The following UTRN variants were observed in gnomAD, a reference collection of about 807,000 sequenced individuals.
UTRN encodes the protein dystrophin-related protein 1.
A neutral mutation model predicts 463.9 loss-of-function variants in UTRN; 283 were observed. The ratio of observed to expected loss-of-function variants is 0.61; its 90% CI spans 0.55 to 0.67. The LOEUF (loss-of-function observed/expected upper bound fraction) is 0.67, where lower values mean the gene tolerates loss of function less well. Among genes scored for constraint, UTRN ranks in the 30% least tolerant of loss-of-function variants. The probability of loss-of-function intolerance (pLI) is 0.00; values close to 1 mark genes in which losing one functional copy is unlikely to be tolerated. For synonymous variants in UTRN, 1,442 were observed against 1,431.5 expected (o/e 1.01, Z -0.17); for missense variants, 3,922 against 4,084.3 (o/e 0.96, Z 1.08).
chr6:144,537,400 T>C (rs1476103373), intron 43 of UTRN, among the ~76,000 whole-genome samples, 182 bp from the exon 44 acceptor site: 2 of 151,942 alleles, frequency 1.3e-5, no homozygotes, highest in Non-Finnish European at 2.9e-5. Flanking sequence ...TCTTGGTCTA[T>C]TATTAAGCAA....
In UTRN at chr6:144,474,609, T is replaced by C; in HGVS notation, c.3186T>C (p.Phe1062=). The change falls in exon 25 of 75, where the codon TTT becomes TTC. Residue 1062 remains phenylalanine, a synonymous_variant. Transcript: ENST00000367545. The part of the protein sequence containing the change: ...LQRQLDQCSA[F]VNEIETIESS... ...TGCATCTTTTATGTGTTTAGGCATT[T>C]GTTAATGAAATAGAAACAATTGAAT... is the stretch of plus-strand genomic sequence containing the variant. The C allele has an allele frequency of 6.2e-7, 1 of 1,612,292 alleles. No homozygotes were observed. Among genetic ancestry groups the C allele is most frequent in the Non-Finnish European group, 8.5e-7 (1 of 1,179,372 alleles).
chr6:144,508,460 C>T (rs1794882610), intron 34 of UTRN, among the ~76,000 whole-genome samples: 1 of 152,102 alleles, frequency 6.6e-6, no homozygotes, highest in Admixed American at 6.5e-5. Context: ...TAGCACCGTA[C>T]CTCACGGCAC....
intron 52 of UTRN, among the ~76,000 whole-genome samples, chr6:144,689,494 T>A (rs896238420): frequency 6.6e-6 from 1 of 152,214 alleles, no homozygotes; most frequent in African/African-American, 2.4e-5. Flanking sequence ...GCTCCCTTGA[T>A]GTGGAGCACT....
At chr6:144,745,080 A>T (rs1790563004) in intron 54 of UTRN, among the ~76,000 whole-genome samples, 1 of 151,964 alleles carries the variant, frequency 6.6e-6, no homozygotes. Flanking sequence ...TTAAAAACTC[A>T]CTCAGTCCCT....
In UTRN at chr6:144,522,161, ACT is replaced by A; in HGVS notation, c.5728_5729del (p.Leu1910GlufsTer19). On this transcript the variant is annotated frameshift_variant, in exon 40 of 75. Coordinates refer to ENST00000367545, the MANE Select transcript of UTRN (RefSeq NM_007124.3). LOFTEE classifies it high-confidence loss of function. The stretch of plus-strand genomic sequence containing the variant: ...TACGAAGACTTCTCTTTTCAGGAAG[ACT>A]CTCTGAAGGTAGACCTCTGGGCACT... The A allele has an allele frequency of 6.5e-7, 1 of 1,540,322 alleles. No individual in the cohort carries two copies. The highest frequency in any genetic ancestry group is 8.7e-7 in the Non-Finnish European group (1 of 1,144,446).
At chr6:144,320,235 T>G (rs963057015) in intron 2 of UTRN, among the ~76,000 whole-genome samples, 5 of 152,238 alleles carry the variant, frequency 3.3e-5, no homozygotes, top group Non-Finnish European at 7.3e-5. Flanking sequence ...TCGTTATAAT[T>G]GTGAAGATTA....
intron 51 of UTRN, among the ~76,000 whole-genome samples, chr6:144,654,194 G>A (rs1324904739): frequency 6.6e-6 from 1 of 152,220 alleles, no homozygotes; most frequent in Non-Finnish European, 1.5e-5. Context: ...TAGGTTTAGA[G>A]TGTGATTTTG....
chr6:144,683,313 A>G (rs552722918), intron 52 of UTRN, among the ~76,000 whole-genome samples: 2 of 152,278 alleles, frequency 1.3e-5, no homozygotes, highest in East Asian at 3.9e-4. Flanking sequence ...AGCATGCCCA[A>G]TTATTCTCCC....
chr6:144,628,392 G>C (rs1194790072), intron 51 of UTRN, among the ~76,000 whole-genome samples: 1 of 152,138 alleles, frequency 6.6e-6, no homozygotes, highest in Non-Finnish European at 1.5e-5. Context: ...CCTGAGAGGA[G>C]GGTGTTAGCC....
rs189630667 is a variant in UTRN, at chr6:144,793,739, T to C, written c.8921-95T>C. 2.1e-3 allele frequency: 3,079 copies of C among 1,457,738 alleles called. 4 individuals are homozygous for C. Among genetic ancestry groups the C allele is most frequent in the Middle Eastern group, 4.6e-3 (25 of 5,414 alleles). The allele number at this position is 1,457,738 out of a possible 1,614,324, so 90.3% of individuals were successfully genotyped here. On this transcript the variant is annotated intron_variant, in intron 62 of 74. Transcript: ENST00000367545. ...GATTCATGTCCTTCTGAAATTTTTT[T>C]AATCTGCATGGTTCAGTCCACATTA... is the stretch of plus-strand genomic sequence containing the variant.
At chr6:144,555,997 A>T (rs1390983332) in intron 49 of UTRN, among the ~76,000 whole-genome samples, 1 of 152,244 alleles carries the variant, frequency 6.6e-6, no homozygotes, top group East Asian at 1.9e-4. Flanking sequence ...AATAGCAGAC[A>T]TCTTTTTTGT....
At chr6:144,699,990 C>G (rs1784419508) in intron 52 of UTRN, 97 bp from the exon 53 acceptor site, 1 of 1,222,710 alleles carries the variant, frequency 8.2e-7, no homozygotes, top group Non-Finnish European at 1.1e-6. Context: ...ATTACTTGGT[C>G]AGATAAGATT....
chr6:144,594,066 A>G (rs1364939045), intron 51 of UTRN, among the ~76,000 whole-genome samples: 2 of 152,226 alleles, frequency 1.3e-5, no homozygotes, highest in African/African-American at 2.4e-5. Flanking sequence ...GTTATGACTT[A>G]GTTGATGAGG....
chr6:144,497,603 C>G (rs1409294313), intron 33 of UTRN, among the ~76,000 whole-genome samples: 3 of 151,118 alleles, frequency 2.0e-5, no homozygotes, highest in African/African-American at 7.3e-5. Context: ...ATCACTTGAA[C>G]CTGGGAGGCT....
chr6:144,327,187 T>C (rs1273195388), intron 2 of UTRN, among the ~76,000 whole-genome samples: 1 of 149,940 alleles, frequency 6.7e-6, no homozygotes, highest in Non-Finnish European at 1.5e-5. Context: ...AGGGAGGGGG[T>C]GAAGGAGAGG....
chr6:144,468,439 T>C (rs1156527818), intron 23 of UTRN, among the ~76,000 whole-genome samples: 2 of 152,216 alleles, frequency 1.3e-5, no homozygotes, highest in Non-Finnish European at 2.9e-5. Flanking sequence ...CATTTGAATA[T>C]TTGTGAGTAA....
intron 46 of UTRN, among the ~76,000 whole-genome samples, chr6:144,546,027 C>T (rs1291997425): frequency 2.0e-5 from 3 of 152,080 alleles, no homozygotes; most frequent in East Asian, 1.9e-4. Context: ...ATGCCTGCAG[C>T]GTCTAGAATA....
At chr6:144,473,963 A>G (rs946817627) in intron 24 of UTRN, 130 bp downstream of exon 24, 1 of 614,276 alleles carries the variant, frequency 1.6e-6, no homozygotes, top group Middle Eastern at 4.3e-4. Flanking sequence ...CTTTCATCAT[A>G]AAGCTTTTAT....
At chr6:144,690,445 A>G (rs918207018) in intron 52 of UTRN, among the ~76,000 whole-genome samples, 2 of 152,052 alleles carry the variant, frequency 1.3e-5, no homozygotes, top group African/African-American at 4.8e-5. Flanking sequence ...ACTGAAACTC[A>G]AAACTGCCCC....
Sources: allele counts gnomAD v4.1 joint callset (sites outside exome capture counted in the v4.1 genomes callset), GRCh38; gene constraint gnomAD v4.1.1; transcripts MANE v1.5; gene names NCBI Gene and HGNC (gene_info 2026-07-23, HGNC 2026-07-21).